Variants in NPEPPS observed in about 807,000 individuals in gnomAD.
The protein encoded by NPEPPS is puromycin-sensitive aminopeptidase.
Under a neutral mutation model 115.5 loss-of-function variants are expected in NPEPPS, and 14 were observed. That is an observed-to-expected ratio of 0.12 (90% CI 0.08 to 0.19). The LOEUF is 0.19. Ranked by LOEUF, NPEPPS falls within the 10% of genes least tolerant of loss-of-function variation. NPEPPS has a pLI of 1.00. For missense variants in NPEPPS, 523 were observed against 1,110.8 expected, an observed-to-expected ratio of 0.47 and a Z score of 7.52; for synonymous variants, 285 against 390.6, an observed-to-expected ratio of 0.73 and a Z score of 3.19.
rs1244354048 is a variant in NPEPPS at position 47,590,768 on chromosome 17, T to C, written c.1147T>C (p.Tyr383His). 6.2e-7 allele frequency: 1 copy of C among 1,602,408 alleles called. No homozygotes were observed. Among genetic ancestry groups the C allele is most frequent in the East Asian group, 2.2e-5 (1 of 44,724 alleles). The change falls in exon 10 of 23, where the codon TAT becomes CAT. Residue 383 changes from tyrosine (Y) to histidine (H), a missense_variant. Tyr to His is a moderately conservative substitution (Grantham distance 83). This residue lies in a region of NPEPPS where 144 missense variants were observed against 512.4 expected (regional missense o/e 0.28). Coordinates refer to ENST00000322157, the MANE Select transcript of NPEPPS (RefSeq NM_006310.4). ...TGAAGGTTTTGCATCCTGGATTGAA[T>C]ATCTGTGTGTAGACCACTGCTTCCC... Reference protein sequence around the residue: ...LNEGFASWIEYLCVDHCFPEY... With the variant: ...LNEGFASWIEHLCVDHCFPEY...
At chr17:47,602,315 AT>A (rs1367792972) in intron 15 of NPEPPS, among the ~76,000 whole-genome samples, 7 of 152,130 alleles carry the variant, frequency 4.6e-5, no homozygotes, top group Non-Finnish European at 8.8e-5. Context: ...TGTATCAGAC[AT>A]TTGTGCTTTT....
At chr17:47,536,423 G>A (rs1908272820) in intron 1 of NPEPPS, among the ~76,000 whole-genome samples, 1 of 115,172 alleles carries the variant, frequency 8.7e-6, no homozygotes, top group Admixed American at 1.2e-4. Context: ...ATGGAGTTTC[G>A]CTCTTGTTGC....
At chr17:47,615,010 C>CT (rs1726703278) in intron 19 of NPEPPS, among the ~76,000 whole-genome samples, 1 of 150,882 alleles carries the variant, frequency 6.6e-6, no homozygotes, top group Non-Finnish European at 1.5e-5. Context: ...AAAATAAAAA[C>CT]TTTAAGAAAC....
At chr17:47,593,240 G>C (rs1002413490) in intron 12 of NPEPPS, among the ~76,000 whole-genome samples, 2 of 152,198 alleles carry the variant, frequency 1.3e-5, no homozygotes, top group Non-Finnish European at 2.9e-5. Flanking sequence ...CCAGCATTCT[G>C]CTTTCCATAA....
intron 20 of NPEPPS, 48 bp from the exon 21 acceptor site, chr17:47,618,961 G>C (rs1216818178): frequency 1.7e-5 from 27 of 1,571,558 alleles, no homozygotes; most frequent in Non-Finnish European, 2.3e-5. Context: ...TCTGGTACCA[G>C]AATATGTTTT....
chr17:47,562,277 G>A (rs1368981297), intron 2 of NPEPPS, among the ~76,000 whole-genome samples: 1 of 152,164 alleles, frequency 6.6e-6, no homozygotes, highest in African/African-American at 2.4e-5. Flanking sequence ...TCTGAAGTGG[G>A]GGCAGTCTTG....
chr17:47,536,302 T>C (rs960188647), intron 1 of NPEPPS, among the ~76,000 whole-genome samples: 1 of 152,160 alleles, frequency 6.6e-6, no homozygotes, highest in African/African-American at 2.4e-5. Flanking sequence ...TAGTAGTTTG[T>C]TTGGCAGATT....
At chr17:47,550,616 A>G (rs1039810012) in intron 2 of NPEPPS, among the ~76,000 whole-genome samples, 37 of 139,980 alleles carry the variant, frequency 2.6e-4, no homozygotes, top group Admixed American at 7.7e-4. Context: ...ATATATATGT[A>G]TATATATATA....
intron 3 of NPEPPS, among the ~76,000 whole-genome samples, chr17:47,571,226 CAAGTAAAA>C (rs1160534416): frequency 1.3e-5 from 2 of 152,054 alleles, no homozygotes; most frequent in African/African-American, 4.8e-5. Context: ...CTAAATGGCA[CAAGTAAAA>C]TGATAGTTAT....
intron 17 of NPEPPS, among the ~76,000 whole-genome samples, chr17:47,606,762 C>T (rs1224315651): frequency 4.5e-4 from 1 of 2,230 alleles, no homozygotes; most frequent in Non-Finnish European, 1.7e-3. Flanking sequence ...ATTTATGTAG[C>T]TAGTAAATGC....
chr17:47,614,535 T>A (rs1279351235), intron 19 of NPEPPS, among the ~76,000 whole-genome samples: 1 of 152,148 alleles, frequency 6.6e-6, no homozygotes, highest in African/African-American at 2.4e-5. Context: ...TCTCTAGTTT[T>A]CCCAGAGTAA....
intron 19 of NPEPPS, among the ~76,000 whole-genome samples, chr17:47,618,133 G>A (rs1042410621): frequency 9.9e-5 from 15 of 151,768 alleles, no homozygotes; most frequent in African/African-American, 3.1e-4. Context: ...CACCCGCCTC[G>A]GCCTCCCAAA....
rs949957913 is a variant in NPEPPS at position 47,588,924 on chromosome 17, AT to A, written c.1095+1590del. ...CCACTTATCACTTAATATCAAAATA[AT>A]TTTTTTTTTAAGACAGAGTCTCACT... On this transcript the variant is annotated intron_variant, in intron 9 of 22. Coordinates refer to ENST00000322157, the MANE Select transcript of NPEPPS (RefSeq NM_006310.4). Among the ~76,000 whole-genome samples, 4 of 150,390 alleles carry A rather than the reference AT, an allele frequency of 2.7e-5. No homozygotes were observed. In the South Asian group the frequency reaches 6.4e-4, roughly 24 times the overall value.
rs182815440 is a variant in NPEPPS, at chr17:47,601,266, A to T, written c.1601-342A>T. 2.8e-3 allele frequency among the ~76,000 whole-genome samples: 432 copies of T among 151,922 alleles called. 2 individuals carry two copies. The highest frequency in any genetic ancestry group is 8.5e-3 in the African/African-American group (353 of 41,426). The stretch of plus-strand genomic sequence containing the variant: ...AAAATATACATACATATATATATAT[A>T]TTTTTTGTTGTTGTTGTTGTTTTTT... On this transcript the variant is annotated intron_variant, in intron 14 of 22. Transcript: ENST00000322157.
At chr17:47,566,151 G>A (rs532855610) in intron 2 of NPEPPS, among the ~76,000 whole-genome samples, 224 of 152,150 alleles carry the variant, frequency 1.5e-3, no homozygotes, top group African/African-American at 5.1e-3. Context: ...GTGTCACCAC[G>A]TATGACTAAT....
intron 12 of NPEPPS, among the ~76,000 whole-genome samples, chr17:47,593,607 A>G (rs1912649459): frequency 6.6e-6 from 1 of 152,166 alleles, no homozygotes; most frequent in African/African-American, 2.4e-5. Flanking sequence ...GCTTAACAAC[A>G]GGGATATGTT....
chr17:47,609,646 C>T lies in NPEPPS; in HGVS notation c.2096-2814C>T, dbSNP rs541970260. Among the ~76,000 whole-genome samples the T allele has an allele frequency of 5.3e-5, 8 of 152,238 alleles. No individual in the cohort carries two copies. The East Asian group carries it at 7.7e-4, about 15-fold the overall frequency. ...CTAAATGTTACAGTTCCATGACTTTCGGCAAACACATACCACATTTCCATC... is the reference window on the plus strand; with the variant it reads ...CTAAATGTTACAGTTCCATGACTTTTGGCAAACACATACCACATTTCCATC... On this transcript the variant is annotated intron_variant, in intron 17 of 22. Coordinates refer to ENST00000322157, the MANE Select transcript of NPEPPS (RefSeq NM_006310.4).
At chr17:47,602,298 TATAC>T (rs1218685737) in intron 15 of NPEPPS, among the ~76,000 whole-genome samples, 1 of 152,122 alleles carries the variant, frequency 6.6e-6, no homozygotes, top group Non-Finnish European at 1.5e-5. Flanking sequence ...TAATAGGAAT[TATAC>T]ATTGTATCAG....
intron 1 of NPEPPS, among the ~76,000 whole-genome samples, chr17:47,525,937 G>A (rs1283983391): frequency 1.3e-5 from 2 of 152,142 alleles, no homozygotes; most frequent in East Asian, 1.9e-4. Context: ...TAGGCCAGGC[G>A]CGGTGGCTCA....
Sources: allele counts gnomAD v4.1 joint callset (sites outside exome capture counted in the v4.1 genomes callset), GRCh38; gene constraint gnomAD v4.1.1; regional missense constraint gnomAD v4.1.1; transcripts MANE v1.5; gene names NCBI Gene and HGNC (gene_info 2026-07-23, HGNC 2026-07-21).